FBXL7: variants seen among roughly 807,000 people sequenced by gnomAD.
FBXL7 encodes F-box/LRR-repeat protein 7.
A neutral mutation model predicts 38.3 loss-of-function variants in FBXL7; 12 were observed. The ratio of observed to expected loss-of-function variants is 0.31; its 90% CI spans 0.20 to 0.51. The LOEUF is 0.51. FBXL7 is among the 20% of genes least tolerant of loss of function. The probability of loss-of-function intolerance (pLI) is 0.98; values close to 1 mark genes in which losing one functional copy is unlikely to be tolerated. For synonymous variants in FBXL7, 297 were observed against 300.9 expected (o/e 0.99, Z 0.13); for missense variants, 567 against 676.4 (o/e 0.84, Z 1.79).
At chr5:15,789,988 G>A (rs1055358946) in intron 2 of FBXL7, among the ~76,000 whole-genome samples, 2 of 152,124 alleles carry the variant, frequency 1.3e-5, no homozygotes, top group Admixed American at 1.3e-4. Flanking sequence ...GGCCCCCGTG[G>A]CCAGATCTTC....
intron 2 of FBXL7, among the ~76,000 whole-genome samples, chr5:15,672,280 A>G (rs535856569): frequency 1.3e-5 from 2 of 152,296 alleles, no homozygotes; most frequent in Admixed American, 1.3e-4. Flanking sequence ...ATTAGCAAGT[A>G]ATGTCTTTAA....
chr5:15,590,597 C>T (rs1459890135), intron 1 of FBXL7, among the ~76,000 whole-genome samples: 1 of 151,994 alleles, frequency 6.6e-6, no homozygotes, highest in Non-Finnish European at 1.5e-5. Context: ...TGCTTCTGGG[C>T]CTCTCATTCT....
chr5:15,500,315 AGC>A lies in FBXL7; in HGVS notation c.-359_-358del, dbSNP rs1736452806. On this transcript the variant is annotated 5_prime_UTR_variant, in exon 1 of 4. Coordinates refer to ENST00000504595, the MANE Select transcript of FBXL7 (RefSeq NM_012304.5). ...CGGAGCCCAGGGGCCTGCCCGGCTC[AGC>A]GCCCACCGGAGGGGATCGGGGCGGG... is the stretch of plus-strand genomic sequence containing the variant. 6.6e-6 allele frequency: 1 copy of A among 151,454 alleles called. No homozygotes were observed. Among genetic ancestry groups the A allele is most frequent in the African/African-American group, 2.4e-5 (1 of 41,210 alleles). The allele number at this position is 151,454 out of a possible 1,614,324, so 9.4% of individuals were successfully genotyped here.
intron 1 of FBXL7, among the ~76,000 whole-genome samples, chr5:15,610,009 C>T (rs1339503861): frequency 6.6e-6 from 1 of 152,190 alleles, no homozygotes; most frequent in Non-Finnish European, 1.5e-5. Context: ...GCACGTCTTA[C>T]ATGGCAGCAG....
At chr5:15,652,991 TA>T (rs1173078005) in intron 2 of FBXL7, among the ~76,000 whole-genome samples, 4 of 152,194 alleles carry the variant, frequency 2.6e-5, no homozygotes, top group East Asian at 1.9e-4. Flanking sequence ...ATGTGCCCTA[TA>T]AATGTATACA....
intron 1 of FBXL7, among the ~76,000 whole-genome samples, chr5:15,603,212 GTTT>G (rs201103803): frequency 6.6e-6 from 1 of 151,636 alleles, no homozygotes; most frequent in East Asian, 1.9e-4. Flanking sequence ...ACTGTGTCTT[GTTT>G]TTTTTAGTGC....
chr5:15,933,684 A>C (rs1241404849), intron 3 of FBXL7, among the ~76,000 whole-genome samples: 1 of 152,174 alleles, frequency 6.6e-6, no homozygotes, highest in Non-Finnish European at 1.5e-5. Flanking sequence ...TCTTTGACTT[A>C]GTAGCACGTG....
chr5:15,842,685 A>T (rs977335124), intron 2 of FBXL7, among the ~76,000 whole-genome samples: 1 of 152,164 alleles, frequency 6.6e-6, no homozygotes, highest in Non-Finnish European at 1.5e-5. Context: ...AGTTTCCTCC[A>T]TATTGTTCTC....
At chr5:15,873,637 C>T (rs530388858) in intron 2 of FBXL7, among the ~76,000 whole-genome samples, 2 of 152,248 alleles carry the variant, frequency 1.3e-5, no homozygotes, top group African/African-American at 4.8e-5. Flanking sequence ...ACCATAAACA[C>T]CTCTACACAA....
chr5:15,579,815 G>T (rs1739079813), intron 1 of FBXL7, among the ~76,000 whole-genome samples: 1 of 152,108 alleles, frequency 6.6e-6, no homozygotes, highest in African/African-American at 2.4e-5. Flanking sequence ...AGGGTGTCAG[G>T]CCTCTCTGTG....
intron 2 of FBXL7, among the ~76,000 whole-genome samples, chr5:15,920,169 A>T (rs1741700660): frequency 6.6e-6 from 1 of 152,088 alleles, no homozygotes; most frequent in African/African-American, 2.4e-5. Context: ...AGGCAGGAGA[A>T]TTGCTTGAAC....
intron 1 of FBXL7, among the ~76,000 whole-genome samples, chr5:15,608,480 T>A (rs182256924): frequency 3.2e-4 from 49 of 152,330 alleles, no homozygotes; most frequent in Admixed American, 6.5e-4. Flanking sequence ...TGGTGGTTAC[T>A]TTTATGTGTC....
At chr5:15,794,490 G>A (rs1329515732) in intron 2 of FBXL7, among the ~76,000 whole-genome samples, 1 of 152,168 alleles carries the variant, frequency 6.6e-6, no homozygotes, top group Non-Finnish European at 1.5e-5. Flanking sequence ...ACAAATGACT[G>A]AAATTTTAAA....
At chr5:15,898,366 A>G (rs529004916) in intron 2 of FBXL7, among the ~76,000 whole-genome samples, 1 of 152,190 alleles carries the variant, frequency 6.6e-6, no homozygotes, top group Non-Finnish European at 1.5e-5. Context: ...ATGGTCACCA[A>G]AAACCTGGTA....
rs139674934 is a variant in FBXL7 at position 15,886,741 on chromosome 5, T to C, written c.128-41149T>C. On this transcript the variant is annotated intron_variant, in intron 2 of 3. Transcript: ENST00000504595. ...ACACGGAGCCAAGGAGAAAATCCTC[T>C]TCTAATAAAATCTGACAAAACTTTG... is the stretch of plus-strand genomic sequence containing the variant. Among the ~76,000 whole-genome samples, 112 of 152,342 alleles carry C rather than the reference T, an allele frequency of 7.4e-4. No homozygotes were observed. In the East Asian group the frequency reaches 0.021, roughly 29 times the overall value.
chr5:15,617,903 T>G (rs1055466590), intron 2 of FBXL7, among the ~76,000 whole-genome samples: 3 of 152,226 alleles, frequency 2.0e-5, no homozygotes, highest in Non-Finnish European at 1.5e-5. Context: ...CTAATTTGAA[T>G]GGCTATCCAA....
In FBXL7 at chr5:15,936,862, G is replaced by A. The variant is rs749694793; in HGVS notation, c.1152G>A (p.Arg384=). The A allele has an allele frequency of 5.0e-6, 8 of 1,613,942 alleles. No homozygotes were observed. The highest frequency in any genetic ancestry group is 6.8e-6 in the Non-Finnish European group (8 of 1,179,860). Residue 384 remains arginine, a synonymous_variant, in exon 4 of 4, where the codon AGG becomes AGA. Transcript: ENST00000504595. This position sits in a 1 kb window ranked among gnomAD's most constrained non-coding sequence, Gnocchi z 6.0. Reference sequence around the variant, plus strand: ...GCAAGCTGCGCTACCTCAACGCGAGGGGCTGCGAGGGCATCACGGACCACG... The same window carrying A: ...GCAAGCTGCGCTACCTCAACGCGAGAGGCTGCGAGGGCATCACGGACCACG... ...YCSKLRYLNA[R]GCEGITDHGV... is the part of the protein sequence containing the mutation.
intron 3 of FBXL7, among the ~76,000 whole-genome samples, chr5:15,929,392 G>A (rs1240619057): frequency 6.6e-6 from 1 of 152,230 alleles, no homozygotes; most frequent in African/African-American, 2.4e-5. Flanking sequence ...GCTGAGGCAT[G>A]AGGATTACTT....
intron 2 of FBXL7, among the ~76,000 whole-genome samples, chr5:15,717,028 A>T (rs907709878): frequency 6.6e-6 from 1 of 152,202 alleles, no homozygotes; most frequent in Non-Finnish European, 1.5e-5. Context: ...AATAATTAGG[A>T]TGTATTCCTG....
Sources: gnomAD v4.1 joint callset for allele counts (sites outside exome capture counted in the v4.1 genomes callset) on GRCh38, gnomAD v4.1.1 for gene constraint, Gnocchi (gnomAD v3.1) non-coding constraint, MANE v1.5 for transcripts, NCBI Gene and HGNC (gene_info 2026-07-23, HGNC 2026-07-21) for gene names.